The following BACH2 variants were observed in gnomAD, a reference collection of about 807,000 sequenced individuals.
BACH2 encodes the protein BACH transcriptional regulator 2.
In BACH2, 5 loss-of-function variants were observed where a neutral mutation model predicts 61.8. The observed-to-expected ratio is 0.08, with a 90% CI of 0.04 to 0.17. BACH2 has a LOEUF of 0.17. Among genes scored for constraint, BACH2 ranks in the 10% least tolerant of loss-of-function variants. The pLI is 1.00. For missense variants in BACH2, 824 were observed against 1,091.1 expected (o/e 0.76, Z 3.45); for synonymous variants, 446 against 440.1 (o/e 1.01, Z -0.17).
At chr6:90,287,047 G>A (rs1427408339) in intron 1 of BACH2, among the ~76,000 whole-genome samples, 1 of 152,154 alleles carries the variant, frequency 6.6e-6, no homozygotes, top group Non-Finnish European at 1.5e-5. Flanking sequence ...GGAGGTGACA[G>A]TGAAGTCCTG....
At chr6:90,153,407 T>C (rs1201074185) in intron 4 of BACH2, among the ~76,000 whole-genome samples, 3 of 152,156 alleles carry the variant, frequency 2.0e-5, no homozygotes, top group African/African-American at 7.2e-5. Flanking sequence ...TCAGACCTTG[T>C]TGGGTAAGTT....
intron 5 of BACH2, chr6:90,080,764 C>G (rs981176685): frequency 6.5e-5 from 64 of 985,168 alleles, no homozygotes; most frequent in Non-Finnish European, 7.5e-5. Context: ...TACCTGTGTG[C>G]CTGCTCATTA....
intron 3 of BACH2, among the ~76,000 whole-genome samples, chr6:90,211,460 T>G (rs540145487): frequency 6.6e-6 from 1 of 152,108 alleles, no homozygotes; most frequent in Admixed American, 6.5e-5. Context: ...ACCATCAACC[T>G]CCATCTACCA....
intron 5 of BACH2, among the ~76,000 whole-genome samples, chr6:90,085,474 T>C (rs1349600045): frequency 6.6e-6 from 1 of 152,190 alleles, no homozygotes; most frequent in Non-Finnish European, 1.5e-5. Context: ...TGCTGGAGCA[T>C]GGGTGGCTCA....
intron 4 of BACH2, among the ~76,000 whole-genome samples, chr6:90,155,073 G>A (rs1164349238): frequency 2.0e-5 from 3 of 152,182 alleles, no homozygotes; most frequent in Non-Finnish European, 4.4e-5. Context: ...TCTGCGATCT[G>A]TAATTTATAT....
chr6:90,087,680 CT>C (rs1562434569), intron 5 of BACH2, among the ~76,000 whole-genome samples: 2 of 152,046 alleles, frequency 1.3e-5, no homozygotes, highest in African/African-American at 4.8e-5. Flanking sequence ...CCTGGACTTG[CT>C]GGCTTGAGTT....
At chr6:90,267,115 C>G (rs765658129) in intron 2 of BACH2, among the ~76,000 whole-genome samples, 3 of 152,022 alleles carry the variant, frequency 2.0e-5, no homozygotes, top group Non-Finnish European at 2.9e-5. Context: ...ATCTCCCCCC[C>G]ACCAAAAAAC....
chr6:89,966,169 C>CTAA (rs1489082665), intron 6 of BACH2, among the ~76,000 whole-genome samples: 1 of 152,150 alleles, frequency 6.6e-6, no homozygotes, highest in Non-Finnish European at 1.5e-5. Flanking sequence ...TTTCTACAGT[C>CTAA]TTTAGTCTCT....
rs553404742 is a variant in BACH2 at position 90,228,594 on chromosome 6, C to T, written c.-274-21913G>A. Among the ~76,000 whole-genome samples the T allele has an allele frequency of 2.5e-4, 38 of 152,184 alleles. No homozygotes were observed. The South Asian group carries it at 2.7e-3, about 11-fold the overall frequency. ...AGAAACTTTGTCTCTACTAAAATTA[C>T]AAAAATTAGCCAGGCTTGGTGGCAC... On this transcript the variant is annotated intron_variant, in intron 3 of 8. Transcript: ENST00000257749.
intron 2 of BACH2, among the ~76,000 whole-genome samples, chr6:90,253,849 A>T (rs1048049833): frequency 2.6e-5 from 4 of 152,160 alleles, no homozygotes; most frequent in Non-Finnish European, 4.4e-5. Context: ...TCTCTGCTCA[A>T]ATGCAGTATG....
intron 3 of BACH2, among the ~76,000 whole-genome samples, chr6:90,208,285 A>G (rs1007080156): frequency 6.6e-6 from 1 of 152,234 alleles, no homozygotes; most frequent in African/African-American, 2.4e-5. Context: ...CAGATGGGAG[A>G]AAGTTTTTGC....
intron 4 of BACH2, among the ~76,000 whole-genome samples, chr6:90,176,367 T>C (rs1218213387): frequency 6.6e-6 from 1 of 152,112 alleles, no homozygotes; most frequent in Non-Finnish European, 1.5e-5. Flanking sequence ...GTTTGAGAGT[T>C]CAGTGGTCGA....
At chr6:90,131,280 C>T (rs1458036001) in intron 4 of BACH2, among the ~76,000 whole-genome samples, 1 of 152,202 alleles carries the variant, frequency 6.6e-6, no homozygotes, top group Non-Finnish European at 1.5e-5. Context: ...GCTTCAAGTC[C>T]TGTGTCAGCT....
intron 3 of BACH2, among the ~76,000 whole-genome samples, chr6:90,235,773 A>G (rs1438922851): frequency 6.6e-6 from 1 of 152,242 alleles, no homozygotes. Flanking sequence ...ATTTACTCAG[A>G]ATTTAGTAAG....
At chr6:90,273,437 T>C (rs968273590) in intron 1 of BACH2, among the ~76,000 whole-genome samples, 1 of 152,108 alleles carries the variant, frequency 6.6e-6, no homozygotes. Flanking sequence ...TTAAAAGGTG[T>C]GAAGAACTTA....
At chr6:90,167,364 T>G (rs989826871) in intron 4 of BACH2, among the ~76,000 whole-genome samples, 9 of 145,156 alleles carry the variant, frequency 6.2e-5, no homozygotes, top group African/African-American at 2.3e-4. Flanking sequence ...TTTCTTTTTC[T>G]TTTTTTTTGA....
intron 5 of BACH2, among the ~76,000 whole-genome samples, chr6:90,075,102 G>C (rs1053673873): frequency 6.6e-6 from 1 of 152,042 alleles, no homozygotes; most frequent in Non-Finnish European, 1.5e-5. Flanking sequence ...GTAATGTTGT[G>C]GCAAACAACA....
At position 89,951,237 on chromosome 6, in the gene BACH2, G is replaced by A. The variant is rs767372478; in HGVS notation, c.869C>T (p.Thr290Met). 7 of 1,613,978 alleles carry A rather than the reference G, an allele frequency of 4.3e-6. No individual in the cohort carries two copies. The highest frequency in any genetic ancestry group is 5.1e-6 in the Non-Finnish European group (6 of 1,180,034). The change falls in exon 7 of 9, where the codon ACG becomes ATG. Residue 290 changes from threonine (T) to methionine (M), a missense_variant. Physicochemically the swap from Thr to Met is moderately conservative, Grantham distance 81. Coordinates refer to ENST00000257749, the MANE Select transcript of BACH2 (RefSeq NM_021813.4). The surrounding 1 kb of genome is among the most constrained non-coding windows in gnomAD (Gnocchi z 6.4). Reference protein sequence around the residue: ...PSEENEEESITLCLSGDEPDA... With the variant: ...PSEENEEESIMLCLSGDEPDA... ...AGGCTCATCTCCAGACAGGCAGAGC[G>A]TGATGCTCTCTTCCTCATTCTCTTC...
At chr6:89,963,637 A>C (rs1043641684) in intron 6 of BACH2, among the ~76,000 whole-genome samples, 1 of 152,218 alleles carries the variant, frequency 6.6e-6, no homozygotes, top group African/African-American at 2.4e-5. Flanking sequence ...GCTGCTATGG[A>C]AAACAGTATG....
Sources: allele counts gnomAD v4.1 joint callset (sites outside exome capture counted in the v4.1 genomes callset), GRCh38; gene constraint gnomAD v4.1.1; non-coding constraint Gnocchi (gnomAD v3.1); transcripts MANE v1.5; gene names NCBI Gene and HGNC (gene_info 2026-07-23, HGNC 2026-07-21).